Variants in CEP290 observed in about 807,000 individuals in gnomAD.
CEP290 encodes centrosomal protein of 290 kDa.
A neutral mutation model predicts 344.9 loss-of-function variants in CEP290; 317 were observed. The observed-to-expected ratio is 0.92, with a 90% CI of 0.84 to 1.01. The LOEUF (loss-of-function observed/expected upper bound fraction) is 1.01, where lower values mean the gene tolerates loss of function less well. Ranked by LOEUF, CEP290 falls within the 50% of genes least tolerant of loss-of-function variation. The probability of loss-of-function intolerance (pLI) is 0.00; values close to 1 mark genes in which losing one functional copy is unlikely to be tolerated. For synonymous variants in CEP290, 932 were observed against 895.8 expected, an observed-to-expected ratio of 1.04 and a Z score of -0.72; for missense variants, 2,754 against 2,761.4, an observed-to-expected ratio of 1.00 and a Z score of 0.06.
At chr12:88,090,650 C>G in intron 30 of CEP290, 78 bp downstream of exon 30, 2 of 877,674 alleles carry the variant, frequency 2.3e-6, no homozygotes, top group Non-Finnish European at 3.6e-6. Context: ...AAAAGTATAA[C>G]ATATCCCACT....
At chr12:88,069,902 G>A (rs903058250) in intron 43 of CEP290, among the ~76,000 whole-genome samples, 2 of 152,154 alleles carry the variant, frequency 1.3e-5, no homozygotes, top group Non-Finnish European at 2.9e-5. Context: ...TAAATGCAAA[G>A]AAGAAGAAAT....
At chr12:88,077,547 C>A in intron 40 of CEP290, 150 bp downstream of exon 40, 1 of 665,976 alleles carries the variant, frequency 1.5e-6, no homozygotes, top group Non-Finnish European at 2.4e-6. Context: ...ACTATAAACA[C>A]AATAGAAGTC....
At chr12:88,106,539 A>G in intron 25 of CEP290, 136 bp downstream of exon 25, 1 of 600,554 alleles carries the variant, frequency 1.7e-6, no homozygotes, top group Non-Finnish European at 2.8e-6. Flanking sequence ...CACAAAAATC[A>G]GAAGAAGCAA....
chr12:88,116,721 T>A (rs2039057740), intron 18 of CEP290, among the ~76,000 whole-genome samples: 1 of 152,160 alleles, frequency 6.6e-6, no homozygotes. Flanking sequence ...ACGCCTGTAA[T>A]CCCAGCACTT....
intron 6 of CEP290, among the ~76,000 whole-genome samples, chr12:88,131,869 T>C (rs1281723612): frequency 1.3e-5 from 2 of 152,210 alleles, no homozygotes; most frequent in Non-Finnish European, 2.9e-5. Flanking sequence ...AAGTCATAGC[T>C]AGACTATTAT....
intron 13 of CEP290, among the ~76,000 whole-genome samples, chr12:88,124,211 G>A (rs987220181): frequency 7.2e-5 from 11 of 152,006 alleles, no homozygotes; most frequent in African/African-American, 2.7e-4. Context: ...TGAACTATAA[G>A]GCCCCATATG....
At chr12:88,050,746 A>G (rs1350528212) in intron 52 of CEP290, among the ~76,000 whole-genome samples, 1 of 152,214 alleles carries the variant, frequency 6.6e-6, no homozygotes, top group African/African-American at 2.4e-5. Flanking sequence ...GTTAGGTACT[A>G]AAAGTACAAC....
At chr12:88,140,287 C>T (rs2040572134) in intron 3 of CEP290, among the ~76,000 whole-genome samples, 1 of 152,118 alleles carries the variant, frequency 6.6e-6, no homozygotes, top group Admixed American at 6.5e-5. Flanking sequence ...TTCAGTTTGT[C>T]CTACATAATA....
At chr12:88,084,414 CAA>C (rs1242415882) in intron 35 of CEP290, among the ~76,000 whole-genome samples, 170 bp downstream of exon 35, 1 of 152,110 alleles carries the variant, frequency 6.6e-6, no homozygotes, top group African/African-American at 2.4e-5. Context: ...TACATGTACA[CAA>C]ACTTCCAGTT....
chr12:88,116,343 T>G (rs1308235543), intron 18 of CEP290, among the ~76,000 whole-genome samples: 1 of 152,226 alleles, frequency 6.6e-6, no homozygotes, highest in Non-Finnish European at 1.5e-5. Context: ...CTCTTTAACT[T>G]GCATGGATGA....
In CEP290 at chr12:88,127,074, A is replaced by C. The variant is rs997602021; in HGVS notation, c.943-636T>G. On this transcript the variant is annotated intron_variant, in intron 11 of 53. Transcript: ENST00000552810. ...TTAAAACAAGTATACACTGCTAGAAAATAGATCAATCAATTCAATAAAAGA... is the reference window on the plus strand; with the variant it reads ...TTAAAACAAGTATACACTGCTAGAACATAGATCAATCAATTCAATAAAAGA... Among the ~76,000 whole-genome samples, 5 of 4,356 alleles carry C rather than the reference A, an allele frequency of 1.1e-3. No homozygotes were observed. In the Admixed American group the frequency reaches 0.027, roughly 24 times the overall value. 2.9% of individuals were successfully genotyped at this position (4,356 alleles called of 152,430 possible).
At chr12:88,120,595 C>A (rs2039341668) in intron 14 of CEP290, among the ~76,000 whole-genome samples, 1 of 152,086 alleles carries the variant, frequency 6.6e-6, no homozygotes, top group Non-Finnish European at 1.5e-5. Flanking sequence ...ATAAGTAAGT[C>A]ATTAGTTGCT....
chr12:88,138,127 C>T (rs973875796), intron 5 of CEP290, among the ~76,000 whole-genome samples: 22 of 152,150 alleles, frequency 1.4e-4, no homozygotes, highest in Admixed American at 1.2e-3. Context: ...CAATTATTCC[C>T]ACTATGCCTG....
At chr12:88,070,017 T>C (rs912316084) in intron 43 of CEP290, among the ~76,000 whole-genome samples, 6 of 152,220 alleles carry the variant, frequency 3.9e-5, no homozygotes, top group Non-Finnish European at 7.3e-5. Flanking sequence ...AAGTTTTAAA[T>C]GTTAACACAT....
intron 44 of CEP290, among the ~76,000 whole-genome samples, chr12:88,067,436 T>A (rs1448700212): frequency 6.6e-6 from 1 of 152,148 alleles, no homozygotes; most frequent in African/African-American, 2.4e-5. Flanking sequence ...CAGGGACGCG[T>A]CCTTTCTTGG....
chr12:88,128,367 A>G (rs1362874932), intron 11 of CEP290, among the ~76,000 whole-genome samples: 1 of 152,180 alleles, frequency 6.6e-6, no homozygotes, highest in Non-Finnish European at 1.5e-5. Flanking sequence ...GATAGTTTTT[A>G]AAATTAGAAT....
At chr12:88,097,986 A>G (rs1426707661) in intron 26 of CEP290, among the ~76,000 whole-genome samples, 1 of 152,140 alleles carries the variant, frequency 6.6e-6, no homozygotes, top group Non-Finnish European at 1.5e-5. Context: ...GATAATAAGC[A>G]AGTAAACAAA....
At chr12:88,113,865 C>A (rs2038870677) in intron 20 of CEP290, among the ~76,000 whole-genome samples, 1 of 151,644 alleles carries the variant, frequency 6.6e-6, no homozygotes. Context: ...TCTACACTCC[C>A]ATAAATAAAA....
At chr12:88,138,868 C>A (rs558491386) in intron 5 of CEP290, among the ~76,000 whole-genome samples, 1 of 152,252 alleles carries the variant, frequency 6.6e-6, no homozygotes, top group African/African-American at 2.4e-5. Flanking sequence ...AATCCCCACC[C>A]ACCCTCCACC....
Sources: gnomAD v4.1 joint callset for allele counts (sites outside exome capture counted in the v4.1 genomes callset) on GRCh38, gnomAD v4.1.1 for gene constraint, MANE v1.5 for transcripts, NCBI Gene and HGNC (gene_info 2026-07-23, HGNC 2026-07-21) for gene names.